Variants in DAB1 observed in about 807,000 individuals in gnomAD.
The protein encoded by DAB1 is disabled homolog 1.
A neutral mutation model predicts 64.6 loss-of-function variants in DAB1; 15 were observed. The observed-to-expected ratio is 0.23, with a 90% CI of 0.16 to 0.36. The LOEUF is 0.36. Ranked by LOEUF, DAB1 falls within the 10% of genes least tolerant of loss-of-function variation. The pLI, the probability that DAB1 is intolerant of heterozygous loss-of-function variation, is 1.00. For synonymous variants in DAB1, 235 were observed against 251.9 expected (o/e 0.93, Z 0.64); for missense variants, 596 against 706.7 (o/e 0.84, Z 1.78).
intron 1 of DAB1, among the ~76,000 whole-genome samples, chr1:57,851,617 C>G (rs1333566053): frequency 6.6e-6 from 1 of 152,210 alleles, no homozygotes; most frequent in Admixed American, 6.5e-5. Flanking sequence ...TTTGCTCCTG[C>G]AAGAAGCATT....
intron 4 of DAB1, among the ~76,000 whole-genome samples, chr1:58,341,375 A>G (rs1643932150): frequency 1.3e-5 from 2 of 152,192 alleles, no homozygotes; most frequent in African/African-American, 4.8e-5. Context: ...CAAAACTTGG[A>G]CTGAAACCCA....
At chr1:57,831,276 A>G (rs560282839) in intron 1 of DAB1, among the ~76,000 whole-genome samples, 2 of 152,078 alleles carry the variant, frequency 1.3e-5, no homozygotes, top group Non-Finnish European at 2.9e-5. Flanking sequence ...TGGGAGGGAG[A>G]GAGATTAGGA....
chr1:57,761,491 C>A (rs1302960821), intron 6 of DAB1, among the ~76,000 whole-genome samples: 1 of 152,176 alleles, frequency 6.6e-6, no homozygotes, highest in Non-Finnish European at 1.5e-5. Flanking sequence ...ATTCTGAGGT[C>A]TTATTGATTG....
At chr1:57,560,917 A>G (rs1364213154) in intron 7 of DAB1, among the ~76,000 whole-genome samples, 1 of 152,158 alleles carries the variant, frequency 6.6e-6, no homozygotes, top group Non-Finnish European at 1.5e-5. Flanking sequence ...TGAACGTTTG[A>G]CTACGGGACA....
chr1:57,381,393 T>G (rs1025812944), intron 1 of DAB1, among the ~76,000 whole-genome samples: 9 of 152,156 alleles, frequency 5.9e-5, no homozygotes, highest in Non-Finnish European at 1.2e-4. Flanking sequence ...GAGTCCACAG[T>G]ATAAAGCATA....
chr1:58,490,637 T>C (rs1645664623), intron 3 of DAB1, among the ~76,000 whole-genome samples: 2 of 151,786 alleles, frequency 1.3e-5, no homozygotes, highest in East Asian at 1.9e-4. Context: ...AGACACATAA[T>C]TGTCAGATTC....
intron 6 of DAB1, among the ~76,000 whole-genome samples, chr1:57,801,750 T>C (rs1309556829): frequency 6.6e-6 from 1 of 152,088 alleles, no homozygotes; most frequent in Non-Finnish European, 1.5e-5. Flanking sequence ...CTCGACTTCC[T>C]GGGTTCAGGC....
At chr1:57,391,111 A>G (rs1344170943) in intron 1 of DAB1, among the ~76,000 whole-genome samples, 1 of 152,228 alleles carries the variant, frequency 6.6e-6, no homozygotes, top group Non-Finnish European at 1.5e-5. Context: ...ACCCACAGCC[A>G]AAGTTCATTC....
chr1:58,138,554 G>T (rs990268585), intron 5 of DAB1, among the ~76,000 whole-genome samples: 1 of 152,178 alleles, frequency 6.6e-6, no homozygotes, highest in Non-Finnish European at 1.5e-5. Flanking sequence ...TTTGTGCACT[G>T]GGATCTGATC....
intron 5 of DAB1, among the ~76,000 whole-genome samples, chr1:57,907,359 C>T (rs1644569027): frequency 6.6e-6 from 1 of 152,128 alleles, no homozygotes. Flanking sequence ...GAGAACTGAC[C>T]ATGTGGTAAC....
chr1:57,314,867 AAG>A (rs1052955946), intron 1 of DAB1, among the ~76,000 whole-genome samples: 4 of 152,132 alleles, frequency 2.6e-5, no homozygotes, highest in Non-Finnish European at 4.4e-5. Flanking sequence ...CAAGGAAGAA[AAG>A]AGAGGATGGA....
At chr1:57,695,257 G>T (rs1646810887) in intron 6 of DAB1, among the ~76,000 whole-genome samples, 2 of 12,142 alleles carry the variant, frequency 1.6e-4, no homozygotes, top group Non-Finnish European at 2.4e-4. Context: ...AAGAAAGAAA[G>T]AAGGAAGGAA....
intron 3 of DAB1, among the ~76,000 whole-genome samples, chr1:58,392,768 G>A (rs576795732): frequency 2.0e-4 from 30 of 152,324 alleles, no homozygotes; most frequent in African/African-American, 6.3e-4. Context: ...CCTCTCCACT[G>A]AAAGCACTGG....
At chr1:58,290,765 A>G (rs547413098) in intron 4 of DAB1, among the ~76,000 whole-genome samples, 6 of 152,230 alleles carry the variant, frequency 3.9e-5, no homozygotes, top group African/African-American at 1.4e-4. Flanking sequence ...AGGGGACTGG[A>G]CAGGATGCTT....
chr1:58,325,894 T>C (rs1438293845), intron 4 of DAB1, among the ~76,000 whole-genome samples: 2 of 152,184 alleles, frequency 1.3e-5, no homozygotes, highest in East Asian at 3.9e-4. Context: ...CAAGTGGAAG[T>C]AAAAACCTGG....
chr1:57,197,355 A>AAAAAAG (rs1664712900), intron 2 of DAB1, among the ~76,000 whole-genome samples: 1 of 149,860 alleles, frequency 6.7e-6, no homozygotes, highest in African/African-American at 2.5e-5. Context: ...AAAAAAAAAA[A>AAAAAAG]AAAGAAAGAA....
intron 4 of DAB1, among the ~76,000 whole-genome samples, chr1:58,200,842 T>C (rs1268539587): frequency 6.6e-6 from 1 of 152,182 alleles, no homozygotes; most frequent in Non-Finnish European, 1.5e-5. Context: ...ACATGAGTTG[T>C]TTAAAACTAA....
chr1:57,533,673 TAA>T (rs5774353), intron 7 of DAB1, among the ~76,000 whole-genome samples: 102,710 of 147,908 alleles, frequency 0.69, 36,068 homozygotes, highest in South Asian at 0.79. Context: ...CAGCCAAAAT[TAA>T]AAAAAAAAAA....
chr1:58,333,160 C>T (rs549135079), intron 4 of DAB1, among the ~76,000 whole-genome samples: 7 of 151,868 alleles, frequency 4.6e-5, no homozygotes, highest in Non-Finnish European at 5.9e-5. Context: ...TTTTTCCCTG[C>T]GGAGAGGGGA....
Sources: allele counts gnomAD v4.1 joint callset (sites outside exome capture counted in the v4.1 genomes callset), GRCh38; gene constraint gnomAD v4.1.1; transcripts MANE v1.5; gene names NCBI Gene and HGNC (gene_info 2026-07-23, HGNC 2026-07-21).